SLIT3: variants seen among roughly 807,000 people sequenced by gnomAD.
SLIT3 encodes the protein slit homolog 3 protein.
SLIT3 carries 68 observed loss-of-function variants against 184.0 expected under a neutral mutation model. That is an observed-to-expected ratio of 0.37 (90% CI 0.30 to 0.45). The LOEUF is 0.45. SLIT3 is among the 20% of genes least tolerant of loss of function. The pLI is 1.00. For synonymous variants in SLIT3, 831 were observed against 828.6 expected (o/e 1.00, Z -0.05); for missense variants, 1,707 against 2,026.0 (o/e 0.84, Z 3.02).
At chr5:169,006,140 T>TGG (rs913871971) in intron 4 of SLIT3, among the ~76,000 whole-genome samples, 10 of 152,198 alleles carry the variant, frequency 6.6e-5, no homozygotes, top group African/African-American at 2.4e-4. Flanking sequence ...TGGTAATGCC[T>TGG]GGTCCCCAAG....
rs113089041 is a variant in SLIT3 at position 168,746,082 on chromosome 5, A to C, written c.2270+2220T>G. Among the ~76,000 whole-genome samples, 793 of 152,328 alleles carry C rather than the reference A, an allele frequency of 5.2e-3. 5 individuals carry two copies. Among genetic ancestry groups the C allele is most frequent in the African/African-American group, 0.017 (726 of 41,556 alleles). ...ACGGTATAGTATAAACATAACTTCG[A>C]TATGCACTGGGAAACCAAAACATTT... On this transcript the variant is annotated intron_variant, in intron 20 of 35. Transcript: ENST00000519560.
intron 5 of SLIT3, 86 bp downstream of exon 5, chr5:168,883,179 C>T: frequency 9.4e-7 from 1 of 1,063,484 alleles, no homozygotes; most frequent in Non-Finnish European, 1.5e-6. Flanking sequence ...ACCTGGACCA[C>T]CCTCTTGTCC....
At chr5:169,103,355 C>T (rs1043630258) in intron 4 of SLIT3, among the ~76,000 whole-genome samples, 1 of 152,152 alleles carries the variant, frequency 6.6e-6, no homozygotes, top group Middle Eastern at 3.2e-3. Flanking sequence ...AATGTTATAG[C>T]CTCTGGAGTT....
In SLIT3 at chr5:168,965,103, T is replaced by A. The variant is rs35494240; in HGVS notation, c.414-81767A>T. On this transcript the variant is annotated intron_variant, in intron 4 of 35. Transcript: ENST00000519560. Reference sequence around the variant, plus strand: ...GTCTCAGCACAGTCTATGCTGTATGTGGGACTTTGTTCATCTCAGAACAAT... The same window carrying A: ...GTCTCAGCACAGTCTATGCTGTATGAGGGACTTTGTTCATCTCAGAACAAT... Among the ~76,000 whole-genome samples the A allele has an allele frequency of 4.5e-3, 682 of 152,326 alleles. 2 individuals are homozygous for A. Among genetic ancestry groups the A allele is most frequent in the African/African-American group, 0.015 (628 of 41,582 alleles).
intron 4 of SLIT3, among the ~76,000 whole-genome samples, chr5:169,066,943 A>AG (rs1491203346): frequency 1.7e-4 from 14 of 84,218 alleles, no homozygotes; most frequent in African/African-American, 1.0e-3. Context: ...CCCTTTCCTG[A>AG]AAAAAAAAAA....
In SLIT3 at chr5:169,063,127, G is replaced by A. The variant is rs558076687; in HGVS notation, c.413+130352C>T. Among the ~76,000 whole-genome samples the A allele has an allele frequency of 2.0e-5, 3 of 152,192 alleles. No homozygotes were observed. The East Asian group carries it at 5.8e-4, about 29-fold the overall frequency. ...ACATTGTCAGCTGTAAATACCTAGAGGGACGAAGTTTGTAATCATAAGTGC... is the reference window on the plus strand; with the variant it reads ...ACATTGTCAGCTGTAAATACCTAGAAGGACGAAGTTTGTAATCATAAGTGC... On this transcript the variant is annotated intron_variant, in intron 4 of 35. Transcript: ENST00000519560.
rs116189199 is a variant in SLIT3, at chr5:168,902,799, C to T, written c.414-19463G>A. Among the ~76,000 whole-genome samples the T allele has an allele frequency of 2.9e-3, 449 of 152,276 alleles. 2 individuals are homozygous for T. Among genetic ancestry groups the T allele is most frequent in the African/African-American group, 0.01 (421 of 41,528 alleles). On this transcript the variant is annotated intron_variant, in intron 4 of 35. Transcript: ENST00000519560. ...ACACTGCACGAGGATTCTGAGGTGG[C>T]TGAGCACATGACATACATGAATTTG...
intron 4 of SLIT3, among the ~76,000 whole-genome samples, chr5:169,032,597 TC>T (rs1561620082): frequency 6.9e-6 from 1 of 145,596 alleles, no homozygotes; most frequent in African/African-American, 2.6e-5. Flanking sequence ...TGTTTTAGTT[TC>T]GTTTTTTTTT....
intron 5 of SLIT3, among the ~76,000 whole-genome samples, chr5:168,849,015 A>T (rs892447457): frequency 1.3e-5 from 2 of 152,202 alleles, no homozygotes; most frequent in Non-Finnish European, 2.9e-5. Flanking sequence ...ATCTCCCAAC[A>T]GTAACCAAAA....
At chr5:168,997,388 G>C (rs961478187) in intron 4 of SLIT3, among the ~76,000 whole-genome samples, 1 of 152,164 alleles carries the variant, frequency 6.6e-6, no homozygotes, top group African/African-American at 2.4e-5. Flanking sequence ...CTGGAAAGAG[G>C]ATTTGGGGTT....
intron 4 of SLIT3, among the ~76,000 whole-genome samples, chr5:168,990,551 GTCAAAACA>G (rs1248078546): frequency 6.6e-6 from 1 of 152,166 alleles, no homozygotes; most frequent in Admixed American, 6.5e-5. Flanking sequence ...CCAGCCCAGT[GTCAAAACA>G]GCATCATTCT....
chr5:168,972,618 G>A (rs1225125311), intron 4 of SLIT3, among the ~76,000 whole-genome samples: 1 of 152,052 alleles, frequency 6.6e-6, no homozygotes, highest in African/African-American at 2.4e-5. Context: ...TAGGGCCGAG[G>A]CAGGGATGAC....
At chr5:169,001,270 C>G (rs1365649761) in intron 4 of SLIT3, among the ~76,000 whole-genome samples, 1 of 152,164 alleles carries the variant, frequency 6.6e-6, no homozygotes, top group African/African-American at 2.4e-5. Flanking sequence ...GTCTTGTCTG[C>G]CTTATCCTGA....
rs141936653 is a variant in SLIT3, at chr5:168,711,055, C to A, written c.2559G>T (p.Ala853=). ...CACAGTGGAGTGGGTTGGTTCCCAGCGCCCTAGGAGGCAGAACAGGAAGTC... is the reference window on the plus strand; with the variant it reads ...CACAGTGGAGTGGGTTGGTTCCCAGAGCCCTAGGAGGCAGAACAGGAAGTC... The part of the protein sequence containing the change: ...FNDLTSLSHL[A]LGTNPLHCDC... The change falls in exon 25 of 36, where the codon GCG becomes GCT. Residue 853 remains alanine, a synonymous_variant. Transcript: ENST00000519560. The A allele has an allele frequency of 6.3e-6, 10 of 1,576,492 alleles. No individual in the cohort carries two copies. The highest frequency in any genetic ancestry group is 2.7e-5 in the African/African-American group (2 of 73,814).
rs769703519 is a variant in SLIT3, at chr5:168,669,946, G to A, written c.4173C>T (p.Cys1391=). The A allele has an allele frequency of 1.8e-4, 284 of 1,614,072 alleles. No individual in the cohort carries two copies. Among genetic ancestry groups the A allele is most frequent in the Non-Finnish European group, 2.3e-4 (275 of 1,180,036 alleles). The change falls in exon 35 of 36, where the codon TGC becomes TGT. Residue 1391 remains cysteine, a synonymous_variant. Transcript: ENST00000519560. ...CCCCTCCATAGCCCTCGGCACACTT[G>A]CACATGTATGAGGTCCCAGTTGCCA... ...KCVATGTSYM[C]KCAEGYGGDL...
chr5:168,817,668 C>T (rs1044129778), intron 7 of SLIT3, among the ~76,000 whole-genome samples: 1 of 152,210 alleles, frequency 6.6e-6, no homozygotes, highest in Non-Finnish European at 1.5e-5. Flanking sequence ...AAGGATGCCT[C>T]CGGGGTTCTG....
intron 3 of SLIT3, among the ~76,000 whole-genome samples, chr5:169,212,405 C>T (rs1018636750): frequency 6.6e-6 from 1 of 152,286 alleles, no homozygotes; most frequent in African/African-American, 2.4e-5. Flanking sequence ...TTGTTGGCTG[C>T]ATAAATGTCT....
At chr5:169,275,778 G>A (rs1246555689) in intron 1 of SLIT3, among the ~76,000 whole-genome samples, 2 of 152,134 alleles carry the variant, frequency 1.3e-5, no homozygotes, top group Non-Finnish European at 2.9e-5. Flanking sequence ...TCCACAACAG[G>A]TGGGAATTCT....
At chr5:169,127,557 AT>A (rs2113304394) in intron 4 of SLIT3, among the ~76,000 whole-genome samples, 1 of 152,358 alleles carries the variant, frequency 6.6e-6, no homozygotes, top group African/African-American at 2.4e-5. Flanking sequence ...TCTGGTAAAA[AT>A]AGATGCTTTC....
Sources: gnomAD v4.1 joint callset for allele counts (sites outside exome capture counted in the v4.1 genomes callset) on GRCh38, gnomAD v4.1.1 for gene constraint, MANE v1.5 for transcripts, NCBI Gene and HGNC (gene_info 2026-07-23, HGNC 2026-07-21) for gene names.